FGGY: variants seen among roughly 807,000 people sequenced by gnomAD.
The protein encoded by FGGY is FGGY carbohydrate kinase domain-containing protein.
FGGY carries 72 observed loss-of-function variants against 71.3 expected under a neutral mutation model. The ratio of observed to expected loss-of-function variants is 1.01; its 90% CI spans 0.84 to 1.23. FGGY has a LOEUF of 1.23. Among genes scored for constraint, FGGY ranks in the 50% most tolerant of loss-of-function variants. The pLI is 0.00. For synonymous variants in FGGY, 251 were observed against 250.3 expected (o/e 1.00, Z -0.02); for missense variants, 668 against 682.3 (o/e 0.98, Z 0.23).
intron 14 of FGGY, among the ~76,000 whole-genome samples, chr1:59,689,753 T>A (rs1243064834): frequency 2.0e-5 from 3 of 152,156 alleles, no homozygotes; most frequent in Non-Finnish European, 4.4e-5. Context: ...TACAGTTCAT[T>A]TGTGTATAGG....
At chr1:59,445,737 TA>T (rs1375396158) in intron 5 of FGGY, among the ~76,000 whole-genome samples, 3 of 152,144 alleles carry the variant, frequency 2.0e-5, no homozygotes, top group Non-Finnish European at 4.4e-5. Flanking sequence ...TTTCCTTTGT[TA>T]AAAAAAGGAG....
At chr1:59,345,784 G>A (rs2051748538) in intron 3 of FGGY, among the ~76,000 whole-genome samples, 1 of 151,666 alleles carries the variant, frequency 6.6e-6, no homozygotes, top group Non-Finnish European at 1.5e-5. Flanking sequence ...AATATAAGCA[G>A]TTAAATGCCA....
At chr1:59,385,249 A>C (rs1571412635) in intron 5 of FGGY, among the ~76,000 whole-genome samples, 3 of 152,014 alleles carry the variant, frequency 2.0e-5, no homozygotes, top group African/African-American at 7.2e-5. Context: ...TATGGCAGCT[A>C]CTTTTCTTTA....
At chr1:59,507,959 T>C (rs1350226391) in intron 6 of FGGY, among the ~76,000 whole-genome samples, 1 of 152,126 alleles carries the variant, frequency 6.6e-6, no homozygotes, top group Admixed American at 6.5e-5. Flanking sequence ...AGTTCTCTGT[T>C]CCTCCTTGTT....
chr1:59,592,537 A>G (rs1219155502), intron 8 of FGGY, among the ~76,000 whole-genome samples: 2 of 152,188 alleles, frequency 1.3e-5, no homozygotes, highest in Admixed American at 6.5e-5. Flanking sequence ...AACCAACCCA[A>G]ATGTCCAACA....
chr1:59,612,902 G>T (rs1000708458), intron 9 of FGGY, among the ~76,000 whole-genome samples: 7 of 152,102 alleles, frequency 4.6e-5, no homozygotes, highest in African/African-American at 1.7e-4. Context: ...GACAAAGAAG[G>T]CCATTACATA....
chr1:59,512,538 G>A, intron 7 of FGGY, 99 bp downstream of exon 7: 1 of 1,293,164 alleles, frequency 7.7e-7, no homozygotes, highest in Non-Finnish European at 1.0e-6. Flanking sequence ...CAAAGGTCAA[G>A]GACTTTGGTG....
At chr1:59,737,065 G>T (rs1284588659) in intron 14 of FGGY, among the ~76,000 whole-genome samples, 2 of 152,262 alleles carry the variant, frequency 1.3e-5, no homozygotes, top group African/African-American at 4.8e-5. Context: ...GGCTTCTAAA[G>T]GCGCAAGCCT....
chr1:59,306,684 G>C (rs2043487601), intron 1 of FGGY, among the ~76,000 whole-genome samples: 1 of 152,216 alleles, frequency 6.6e-6, no homozygotes, highest in Non-Finnish European at 1.5e-5. Context: ...GAGGATTAGA[G>C]AGTCTTGGAG....
chr1:59,758,455 G>T (rs79581484), intron 15 of FGGY, among the ~76,000 whole-genome samples: 1 of 152,168 alleles, frequency 6.6e-6, no homozygotes, highest in East Asian at 1.9e-4. Flanking sequence ...CTCCAGGCAG[G>T]TGTTACAGGG....
At chr1:59,698,016 C>CT (rs1190624645) in intron 14 of FGGY, among the ~76,000 whole-genome samples, 3 of 151,946 alleles carry the variant, frequency 2.0e-5, no homozygotes, top group African/African-American at 2.4e-5. Context: ...AAAAGCATGT[C>CT]TTTTTTTTCC....
At chr1:59,469,420 G>GA (rs1165687889) in intron 6 of FGGY, among the ~76,000 whole-genome samples, 1 of 152,180 alleles carries the variant, frequency 6.6e-6, no homozygotes, top group East Asian at 1.9e-4. Context: ...GAGAGGGCAA[G>GA]AGGGGGCTTG....
chr1:59,640,799 A>C (rs1242269938), intron 11 of FGGY, among the ~76,000 whole-genome samples: 1 of 151,080 alleles, frequency 6.6e-6, no homozygotes, highest in Non-Finnish European at 1.5e-5. Context: ...ATTAATTTCC[A>C]AGTAAATGAA....
intron 6 of FGGY, among the ~76,000 whole-genome samples, chr1:59,472,951 C>T (rs1408762441): frequency 2.0e-5 from 3 of 152,152 alleles, no homozygotes; most frequent in African/African-American, 7.2e-5. Flanking sequence ...ACCTTTGTGT[C>T]TAGCTCAGGG....
At chr1:59,302,800 C>A (rs1448723514) in intron 1 of FGGY, among the ~76,000 whole-genome samples, 1 of 151,876 alleles carries the variant, frequency 6.6e-6, no homozygotes, top group Non-Finnish European at 1.5e-5. Context: ...TTAATTGAAT[C>A]TTATTAAATA....
At chr1:59,733,047 C>T (rs892463154) in intron 14 of FGGY, among the ~76,000 whole-genome samples, 2 of 152,072 alleles carry the variant, frequency 1.3e-5, no homozygotes, top group African/African-American at 2.4e-5. Context: ...TTTCCCTACT[C>T]GCTACTACTA....
intron 13 of FGGY, among the ~76,000 whole-genome samples, chr1:59,668,188 C>T (rs1028462078): frequency 6.6e-6 from 1 of 152,134 alleles, no homozygotes; most frequent in Non-Finnish European, 1.5e-5. Flanking sequence ...GGAAGGGGCC[C>T]CATTGGCAGG....
intron 14 of FGGY, among the ~76,000 whole-genome samples, chr1:59,727,780 A>G (rs1026048774): frequency 7.9e-5 from 12 of 152,216 alleles, no homozygotes; most frequent in Admixed American, 2.6e-4. Flanking sequence ...AGGTATCACA[A>G]TACCTGTCTT....
intron 2 of FGGY, among the ~76,000 whole-genome samples, chr1:59,337,955 A>G (rs1052289744): frequency 2.6e-5 from 4 of 152,212 alleles, no homozygotes; most frequent in African/African-American, 9.6e-5. Context: ...GAAAGCATTC[A>G]TGTTACCATT....
Sources: gnomAD v4.1 joint callset for allele counts (sites outside exome capture counted in the v4.1 genomes callset) on GRCh38, gnomAD v4.1.1 for gene constraint, MANE v1.5 for transcripts, NCBI Gene and HGNC (gene_info 2026-07-23, HGNC 2026-07-21) for gene names.